Variants in DPY19L4 observed in about 807,000 individuals in gnomAD.
DPY19L4 encodes the protein dpy-19 like 4.
In DPY19L4, 97 loss-of-function variants were observed where a neutral mutation model predicts 102.8. That is an observed-to-expected ratio of 0.94 (90% confidence interval 0.80 to 1.12). DPY19L4 has a LOEUF of 1.12. Ranked by LOEUF, DPY19L4 falls within the 50% of genes most tolerant of loss-of-function variation. The pLI is 0.00. For missense variants in DPY19L4, 815 were observed against 850.4 expected (o/e 0.96, Z 0.52); for synonymous variants, 252 against 283.1 (o/e 0.89, Z 1.10).
At chr8:94,738,191 G>A (rs1005781175) in intron 3 of DPY19L4, among the ~76,000 whole-genome samples, 178 bp from the exon 4 acceptor site, 8 of 151,420 alleles carry the variant, frequency 5.3e-5, no homozygotes, top group Admixed American at 3.3e-4. Context: ...GGTGGCAGGC[G>A]CCTGTAGTCC....
At chr8:94,776,133 T>C (rs528220196) in intron 13 of DPY19L4, among the ~76,000 whole-genome samples, 26 of 148,840 alleles carry the variant, frequency 1.7e-4, no homozygotes, top group African/African-American at 5.7e-4. Flanking sequence ...CCCGGGTTCA[T>C]GCCATTCTCC....
intron 18 of DPY19L4, among the ~76,000 whole-genome samples, chr8:94,788,428 T>C (rs1002106975): frequency 1.3e-5 from 2 of 152,174 alleles, no homozygotes. Flanking sequence ...TATATTCTTA[T>C]GTTGAGAAAT....
chr8:94,739,412 G>T lies in DPY19L4; in HGVS notation c.344-1G>T. 6.4e-7 allele frequency: 1 copy of T among 1,569,376 alleles called. No individual in the cohort carries two copies. Among genetic ancestry groups the T allele is most frequent in the East Asian group, 2.2e-5 (1 of 44,476 alleles). On this transcript the variant is annotated splice_acceptor_variant, in intron 4 of 18. Coordinates refer to ENST00000414645, the MANE Select transcript of DPY19L4 (RefSeq NM_181787.3). LOFTEE classifies it high-confidence loss of function. The stretch of plus-strand genomic sequence containing the variant: ...CTGGAGAAAAATCTTTCTGTCTTTA[G>T]GTGTTTACGAACTGACACACAATAA...
chr8:94,750,871 C>T (rs574656557), intron 6 of DPY19L4, among the ~76,000 whole-genome samples: 491 of 151,746 alleles, frequency 3.2e-3, no homozygotes, highest in Non-Finnish European at 5.6e-3. Flanking sequence ...CAACCTCCAC[C>T]TCCCAGGTTC....
In DPY19L4 at chr8:94,789,817, CT is replaced by C. The variant is rs761603716; in HGVS notation, c.2080del (p.Tyr694IlefsTer5). The C allele has an allele frequency of 5.6e-5, 90 of 1,611,568 alleles. No individual in the cohort carries two copies. The highest frequency in any genetic ancestry group is 7.6e-5 in the Non-Finnish European group (90 of 1,178,972). ...GATTTTGTCATGAGGTCAAAATTAA[CT>C]ATTCTCCATATGTGAATTATTTCAC... is the stretch of plus-strand genomic sequence containing the variant. ...GRFCHEVKINYSPYVNYFTRV... is the reference protein window; with the variant it reads ...GRFCHEVKINXSPYVNYFTRV... On this transcript the variant is annotated frameshift_variant, in exon 19 of 19. Coordinates refer to ENST00000414645, the MANE Select transcript of DPY19L4 (RefSeq NM_181787.3). LOFTEE classifies it high-confidence loss of function.
intron 7 of DPY19L4, among the ~76,000 whole-genome samples, chr8:94,757,731 G>C (rs1586369960): frequency 6.6e-6 from 1 of 152,124 alleles, no homozygotes; most frequent in East Asian, 1.9e-4. Flanking sequence ...TTCTTTAATA[G>C]TCAGGTAGTC....
intron 18 of DPY19L4, among the ~76,000 whole-genome samples, chr8:94,788,341 A>C (rs1377397319): frequency 6.6e-6 from 1 of 152,034 alleles, no homozygotes; most frequent in Non-Finnish European, 1.5e-5. Context: ...ACATTCATAA[A>C]CAAAAGATGG....
chr8:94,747,015 T>G (rs1233143905), intron 6 of DPY19L4, among the ~76,000 whole-genome samples: 2 of 150,582 alleles, frequency 1.3e-5, no homozygotes, highest in Non-Finnish European at 3.0e-5. Context: ...TACAAACAAT[T>G]TTTTTTTTTA....
Position 94,739,548 on chromosome 8 carries a change from G to A in DPY19L4, c.465+14G>A, listed in dbSNP as rs368584761. 19 of 1,596,894 alleles carry A rather than the reference G, an allele frequency of 1.2e-5. No homozygotes were observed. The highest frequency in any genetic ancestry group is 3.3e-4 in the Middle Eastern group (2 of 5,986). ...ACTGGTAGCAATGTATGTATTTTTC[G>A]TTGGACCCTAATATTTATTTTCTCA... On this transcript the variant is annotated intron_variant, in intron 5 of 18. Coordinates refer to ENST00000414645, the MANE Select transcript of DPY19L4 (RefSeq NM_181787.3).
intron 2 of DPY19L4, among the ~76,000 whole-genome samples, chr8:94,729,023 GAA>G (rs1212982486): frequency 7.8e-6 from 1 of 127,670 alleles, no homozygotes; most frequent in African/African-American, 2.9e-5. Context: ...TTTATTTAAA[GAA>G]AAAAAAAAAA....
chr8:94,723,572 C>G (rs573651060), intron 1 of DPY19L4, among the ~76,000 whole-genome samples: 1 of 151,670 alleles, frequency 6.6e-6, no homozygotes, highest in Non-Finnish European at 1.5e-5. Context: ...TTGGCCTTTG[C>G]TTTTTTTCCA....
chr8:94,770,655 T>C, intron 13 of DPY19L4, 84 bp downstream of exon 13: 1 of 1,571,860 alleles, frequency 6.4e-7, no homozygotes, highest in Non-Finnish European at 8.6e-7. Context: ...CCCAGCACTT[T>C]GGGAGGCCAA....
chr8:94,719,943 G>C lies in DPY19L4; in HGVS notation c.-56G>C. 6.7e-7 allele frequency: 1 copy of C among 1,482,320 alleles called. No homozygotes were observed. Among genetic ancestry groups the C allele is most frequent in the Non-Finnish European group, 9.0e-7 (1 of 1,114,558 alleles). 91.8% of individuals were successfully genotyped at this position (1,482,320 alleles called of 1,614,324 possible). A position where few individuals can be genotyped will look rare whatever the true frequency, so the allele number is the denominator to read the frequency against. On this transcript the variant is annotated 5_prime_UTR_variant, in exon 1 of 19. Transcript: ENST00000414645. Reference sequence around the variant, plus strand: ...GCCGAGGGGTTCGGCGACGCGGAGGGAGGGAGAGTCTGGGCCGCGCGGGAG... The same window carrying C: ...GCCGAGGGGTTCGGCGACGCGGAGGCAGGGAGAGTCTGGGCCGCGCGGGAG...
chr8:94,780,483 G>A, intron 15 of DPY19L4, 68 bp downstream of exon 15: 4 of 1,009,570 alleles, frequency 4.0e-6, no homozygotes, highest in Non-Finnish European at 5.4e-6. Context: ...AAATTTATAT[G>A]TGTGGGTAGG....
intron 2 of DPY19L4, among the ~76,000 whole-genome samples, chr8:94,733,118 CTTTTTTTTT>C (rs34879619): frequency 1.3e-5 from 1 of 76,328 alleles, no homozygotes; most frequent in African/African-American, 5.9e-5. Flanking sequence ...TCATCTTAAC[CTTTTTTTTT>C]TTTTTTTTTT....
At chr8:94,787,789 C>A in intron 17 of DPY19L4, 105 bp from the exon 18 acceptor site, 1 of 414,464 alleles carries the variant, frequency 2.4e-6, no homozygotes, top group Non-Finnish European at 3.7e-6. Flanking sequence ...ACTTAGAACA[C>A]AGTAGATGCT....
chr8:94,726,080 T>C (rs977610854), intron 1 of DPY19L4, among the ~76,000 whole-genome samples: 4 of 152,348 alleles, frequency 2.6e-5, no homozygotes, highest in East Asian at 1.9e-4. Flanking sequence ...AATTCCATCA[T>C]CTTGGGAGAA....
intron 17 of DPY19L4, among the ~76,000 whole-genome samples, chr8:94,785,626 G>A (rs1049043065): frequency 1.3e-5 from 2 of 152,192 alleles, no homozygotes; most frequent in Non-Finnish European, 2.9e-5. Flanking sequence ...CCTGGCAGTC[G>A]AATGATTAGA....
At chr8:94,748,066 G>C (rs1228308753) in intron 6 of DPY19L4, among the ~76,000 whole-genome samples, 4 of 152,154 alleles carry the variant, frequency 2.6e-5, no homozygotes, top group Admixed American at 6.6e-5. Context: ...ACCTCCCACT[G>C]TTAGCCTTCT....
Sources: allele counts gnomAD v4.1 joint callset (sites outside exome capture counted in the v4.1 genomes callset), GRCh38; gene constraint gnomAD v4.1.1; transcripts MANE v1.5; gene names NCBI Gene and HGNC (gene_info 2026-07-23, HGNC 2026-07-21).